ABLIM1: variants seen among roughly 807,000 people sequenced by gnomAD.
ABLIM1 encodes actin-binding LIM protein 1.
In ABLIM1, 40 loss-of-function variants were observed where a neutral mutation model predicts 107.0. The ratio of observed to expected loss-of-function variants is 0.37; its 90% CI spans 0.29 to 0.49. The LOEUF (loss-of-function observed/expected upper bound fraction) is 0.49. Among genes scored for constraint, ABLIM1 ranks in the 20% least tolerant of loss-of-function variants. The pLI is 0.97. For synonymous variants in ABLIM1, 357 were observed against 357.3 expected (o/e 1.00, Z 0.01); for missense variants, 857 against 1,008.5 (o/e 0.85, Z 2.04).
At chr10:114,488,586 C>T (rs1349553461) in intron 7 of ABLIM1, among the ~76,000 whole-genome samples, 1 of 152,156 alleles carries the variant, frequency 6.6e-6, no homozygotes, top group East Asian at 1.9e-4. Context: ...TTGCCTTTGG[C>T]CTTCAATCTT....
chr10:114,664,705 G>A (rs1305348934), intron 1 of ABLIM1, among the ~76,000 whole-genome samples: 4 of 151,252 alleles, frequency 2.6e-5, no homozygotes, highest in Non-Finnish European at 4.4e-5. Context: ...CACCATGCTT[G>A]GCTAATTTTT....
chr10:114,480,966 T>C (rs1474426510), intron 8 of ABLIM1, among the ~76,000 whole-genome samples: 1 of 152,224 alleles, frequency 6.6e-6, no homozygotes, highest in Non-Finnish European at 1.5e-5. Flanking sequence ...AGCACATCTT[T>C]TTGTTTTCTT....
intron 2 of ABLIM1, chr10:114,594,872 G>A (rs1318465344): frequency 6.6e-6 from 1 of 152,166 alleles, no homozygotes; most frequent in Non-Finnish European, 1.5e-5. Flanking sequence ...TAGGCACTGG[G>A]TTTATAGTAA....
At chr10:114,446,517 G>C (rs1266540536) in intron 15 of ABLIM1, among the ~76,000 whole-genome samples, 1 of 152,176 alleles carries the variant, frequency 6.6e-6, no homozygotes, top group Non-Finnish European at 1.5e-5. Flanking sequence ...CTGGCTGTGG[G>C]AGGAAACAGG....
In ABLIM1 at chr10:114,448,415, T is replaced by C. The variant is rs1589768065; in HGVS notation, c.1595-395A>G. Among the ~76,000 whole-genome samples, 6 of 152,292 alleles carry C rather than the reference T, an allele frequency of 3.9e-5. No homozygotes were observed. In the South Asian group the frequency reaches 1.0e-3, roughly 26 times the overall value. ...CCTACTGTCCTGGCCAGTGCAGATA[T>C]AGAACATTTCCATCCTTATAGAAAG... On this transcript the variant is annotated intron_variant, in intron 14 of 22. Coordinates refer to ENST00000533213, the MANE Select transcript of ABLIM1 (RefSeq NM_002313.7).
intron 2 of ABLIM1, among the ~76,000 whole-genome samples, chr10:114,583,466 CACATATATATATATATAT>C (rs1337826352): frequency 4.2e-4 from 3 of 7,084 alleles, no homozygotes; most frequent in Non-Finnish European, 8.3e-4. Flanking sequence ...CACACACACA[CACATATATATATATATAT>C]ATATATATAT....
chr10:114,561,399 T>G, intron 4 of ABLIM1, among the ~76,000 whole-genome samples: 1 of 152,252 alleles, frequency 6.6e-6, no homozygotes, highest in East Asian at 1.9e-4. Context: ...GACTTTGGAA[T>G]GAATCTTATT....
At chr10:114,589,747 T>C (rs1234924992) in intron 2 of ABLIM1, among the ~76,000 whole-genome samples, 2 of 152,206 alleles carry the variant, frequency 1.3e-5, no homozygotes, top group Non-Finnish European at 2.9e-5. Context: ...TTAAGCTAAA[T>C]GTTTTACAAA....
At chr10:114,474,156 A>G (rs1487279466) in intron 8 of ABLIM1, among the ~76,000 whole-genome samples, 200 bp from the exon 9 acceptor site, 1 of 152,202 alleles carries the variant, frequency 6.6e-6, no homozygotes, top group Non-Finnish European at 1.5e-5. Flanking sequence ...AGGCATGGGG[A>G]GGCCTTTCTC....
At chr10:114,651,592 G>A (rs2079246031) in intron 1 of ABLIM1, among the ~76,000 whole-genome samples, 1 of 152,068 alleles carries the variant, frequency 6.6e-6, no homozygotes, top group East Asian at 1.9e-4. Flanking sequence ...AGGCTTAACC[G>A]TCAAGAGCTT....
intron 3 of ABLIM1, among the ~76,000 whole-genome samples, chr10:114,573,377 C>G (rs192750886): frequency 1.4e-4 from 21 of 152,306 alleles, no homozygotes; most frequent in Admixed American, 4.6e-4. Context: ...AAGGAGGCCC[C>G]AATTCAGACA....
chr10:114,724,496 A>G (rs932390590), intron 1 of ABLIM1, among the ~76,000 whole-genome samples: 2 of 152,146 alleles, frequency 1.3e-5, no homozygotes, highest in African/African-American at 4.8e-5. Flanking sequence ...GGCAATGGAC[A>G]TTCCCTTGCA....
intron 6 of ABLIM1, among the ~76,000 whole-genome samples, chr10:114,500,840 G>A (rs1304332135): frequency 6.7e-6 from 1 of 150,164 alleles, no homozygotes; most frequent in Non-Finnish European, 1.5e-5. Flanking sequence ...ACAAAGGCAA[G>A]TTGGTAGCAA....
chr10:114,493,585 AG>A (rs1161185494), intron 6 of ABLIM1, among the ~76,000 whole-genome samples: 1 of 152,230 alleles, frequency 6.6e-6, no homozygotes, highest in Non-Finnish European at 1.5e-5. Flanking sequence ...ACAAAAATTA[AG>A]TCATATGGCT....
At chr10:114,480,867 A>T (rs1356195505) in intron 8 of ABLIM1, among the ~76,000 whole-genome samples, 1 of 152,230 alleles carries the variant, frequency 6.6e-6, no homozygotes, top group Non-Finnish European at 1.5e-5. Context: ...CACAAATAAC[A>T]AAGAGATGCC....
At chr10:114,491,929 C>G in intron 6 of ABLIM1, 51 bp from the exon 7 acceptor site, 1 of 1,389,324 alleles carries the variant, frequency 7.2e-7, no homozygotes, top group Non-Finnish European at 1.0e-6. Flanking sequence ...TCATGGATTC[C>G]AGAATCTTTT....
At position 114,766,269 on chromosome 10, in the gene ABLIM1, T is replaced by C. The variant is rs144897489; in HGVS notation, c.-213+1792A>G. ...ACATACAATAACTGATATTTATTAT[T>C]ATAGATATTTTTCCCTCTACAAGAT... On this transcript the variant is annotated intron_variant, in intron 1 of 15. Coordinates refer to the ABLIM1 transcript ENST00000651092. Among the ~76,000 whole-genome samples, 47 of 152,338 alleles carry C rather than the reference T, an allele frequency of 3.1e-4. 1 individual carries two copies. In the East Asian group the frequency reaches 8.9e-3, roughly 29 times the overall value.
At chr10:114,532,752 G>A (rs1240451027) in intron 6 of ABLIM1, among the ~76,000 whole-genome samples, 4 of 152,210 alleles carry the variant, frequency 2.6e-5, no homozygotes, top group Non-Finnish European at 5.9e-5. Context: ...TCGAGCCAAG[G>A]TAGCTTGAGA....
chr10:114,474,901 T>C (rs2056054720), intron 8 of ABLIM1, among the ~76,000 whole-genome samples: 1 of 152,180 alleles, frequency 6.6e-6, no homozygotes, highest in Non-Finnish European at 1.5e-5. Flanking sequence ...ATTTTATAAA[T>C]GGGAGTTTCC....
Sources: allele counts gnomAD v4.1 joint callset (sites outside exome capture counted in the v4.1 genomes callset), GRCh38; gene constraint gnomAD v4.1.1; transcripts MANE v1.5; gene names NCBI Gene and HGNC (gene_info 2026-07-23, HGNC 2026-07-21).